DHX35: variants seen among roughly 807,000 people sequenced by gnomAD.
DHX35 encodes the protein DEAH-box helicase 35.
A neutral mutation model predicts 99.6 loss-of-function variants in DHX35; 84 were observed. The ratio of observed to expected loss-of-function variants is 0.84; its 90% CI spans 0.71 to 1.01. DHX35 has a LOEUF of 1.01. DHX35 is among the 50% of genes least tolerant of loss of function. The pLI is 0.00. For synonymous variants in DHX35, 331 were observed against 316.2 expected (o/e 1.05, Z -0.50); for missense variants, 852 against 888.5 (o/e 0.96, Z 0.52).
chr20:39,008,438 T>G (rs773483557), intron 12 of DHX35, among the ~76,000 whole-genome samples: 2 of 152,246 alleles, frequency 1.3e-5, no homozygotes, highest in Non-Finnish European at 2.9e-5. Context: ...CTCAAGTTAC[T>G]TTTAAAGAGG....
At chr20:38,991,064 C>G (rs1265238923) in intron 5 of DHX35, among the ~76,000 whole-genome samples, 1 of 152,178 alleles carries the variant, frequency 6.6e-6, no homozygotes, top group Non-Finnish European at 1.5e-5. Flanking sequence ...TCAAGAACTG[C>G]AATCTATAGT....
At chr20:38,989,123 A>T (rs1254992824) in intron 5 of DHX35, among the ~76,000 whole-genome samples, 4 of 140,192 alleles carry the variant, frequency 2.9e-5, no homozygotes. Flanking sequence ...TTTGAGACAG[A>T]GTCTCTCTCT....
intron 8 of DHX35, 52 bp from the exon 9 acceptor site, chr20:39,001,678 C>A: frequency 7.0e-7 from 1 of 1,438,088 alleles, no homozygotes; most frequent in Admixed American, 1.8e-5. Flanking sequence ...CCATGAATCG[C>A]TACGAACCTT....
At position 39,038,884 on chromosome 20, in the gene DHX35, A is replaced by C. The variant is rs2087200017; in HGVS notation, c.*341A>C. On this transcript the variant is annotated 3_prime_UTR_variant, in exon 22 of 22. Transcript: ENST00000252011. ...TGGGAAACAAGGAGGAAAGTTAGCC[A>C]CTGAAGGCCAAAACACCATGTGGGG... is the stretch of plus-strand genomic sequence containing the variant. The C allele has an allele frequency of 5.6e-6, 2 of 355,254 alleles. No homozygotes were observed. Among genetic ancestry groups the C allele is most frequent in the Admixed American group, 8.8e-5 (2 of 22,814 alleles). 22.0% of individuals were successfully genotyped at this position (355,254 alleles called of 1,614,324 possible).
At chr20:38,994,409 A>G (rs1244694530) in intron 7 of DHX35, among the ~76,000 whole-genome samples, 1 of 149,440 alleles carries the variant, frequency 6.7e-6, no homozygotes, top group Non-Finnish European at 1.5e-5. Context: ...TTTTTTTGCC[A>G]TATTTCTGTC....
chr20:39,003,141 T>C (rs2086550390), intron 10 of DHX35, among the ~76,000 whole-genome samples: 1 of 151,370 alleles, frequency 6.6e-6, no homozygotes, highest in South Asian at 2.1e-4. Context: ...TGAGGGCTAT[T>C]TTGTTTGCCA....
Position 39,025,319 on chromosome 20 carries a change from G to A in DHX35, c.1761G>A (p.Lys587=). The A allele has an allele frequency of 6.2e-7, 1 of 1,613,816 alleles. No individual in the cohort carries two copies. The highest frequency in any genetic ancestry group is 8.5e-7 in the Non-Finnish European group (1 of 1,179,850). ...RAATVREQLK[K]LLVKFQVPRK... ...CGACTGTAAGAGAACAATTGAAAAA[G>A]CTTCTTGTCAAGTTTCAAGTGCCCA... is the stretch of plus-strand genomic sequence containing the variant. Residue 587 remains lysine (K), a synonymous_variant, in exon 18 of 22, where the codon AAG becomes AAA. Coordinates refer to ENST00000252011, the MANE Select transcript of DHX35 (RefSeq NM_021931.4).
At chr20:38,966,666 A>G (rs906218755) in intron 1 of DHX35, among the ~76,000 whole-genome samples, 2 of 152,326 alleles carry the variant, frequency 1.3e-5, no homozygotes, top group East Asian at 3.9e-4. Context: ...CTCCATCTCC[A>G]AAAACAAAAG....
At chr20:38,984,702 A>G (rs2145861623) in intron 4 of DHX35, among the ~76,000 whole-genome samples, 1 of 152,336 alleles carries the variant, frequency 6.6e-6, no homozygotes, top group East Asian at 1.9e-4. Context: ...CATTTGTTGT[A>G]GATACAGTCC....
At chr20:38,973,658 A>G (rs1305674683) in intron 3 of DHX35, among the ~76,000 whole-genome samples, 1 of 152,232 alleles carries the variant, frequency 6.6e-6, no homozygotes, top group Non-Finnish European at 1.5e-5. Context: ...GTTCATTCTC[A>G]TTACTGCATA....
intron 3 of DHX35, among the ~76,000 whole-genome samples, chr20:38,981,065 T>C (rs1211040273): frequency 6.6e-6 from 1 of 152,246 alleles, no homozygotes; most frequent in Non-Finnish European, 1.5e-5. Context: ...GTATCCTTAG[T>C]GCATCATTTC....
intron 8 of DHX35, among the ~76,000 whole-genome samples, chr20:38,998,041 C>T (rs1446001939): frequency 2.0e-5 from 3 of 152,106 alleles, no homozygotes; most frequent in South Asian, 2.1e-4. Flanking sequence ...TGGCTGCAGC[C>T]GGGAGGCAGA....
intron 20 of DHX35, 31 bp from the exon 21 acceptor site, chr20:39,034,175 G>A (rs751842958): frequency 2.7e-5 from 41 of 1,532,408 alleles, no homozygotes; most frequent in Non-Finnish European, 3.7e-5. Flanking sequence ...ACAAGAGGGG[G>A]AAATTAGCTC....
At chr20:39,004,347 C>A (rs144220653) in intron 11 of DHX35, among the ~76,000 whole-genome samples, 2 of 152,172 alleles carry the variant, frequency 1.3e-5, no homozygotes, top group East Asian at 1.9e-4. Context: ...TTACAGGCGT[C>A]AGCCACCGTG....
At position 39,030,756 on chromosome 20, in the gene DHX35, G is replaced by T. The variant is rs748771313; in HGVS notation, c.1936G>T (p.Ala646Ser). ...LHIHPASVLY[A>S]EKPPRWVIYN... ...CATACACCCTGCGTCAGTCCTCTAT[G>T]CAGAGAAGCCGCCTCGCTGGTAAGC... The change falls in exon 20 of 22, where the codon GCA (alanine) becomes TCA (serine). Residue 646 changes from alanine (A) to serine (S), a missense_variant. Coordinates refer to ENST00000252011, the MANE Select transcript of DHX35 (RefSeq NM_021931.4). 6.2e-7 allele frequency: 1 copy of T among 1,614,144 alleles called. No homozygotes were observed. Among genetic ancestry groups the T allele is most frequent in the South Asian group, 1.1e-5 (1 of 91,082 alleles).
At chr20:39,024,040 A>G (rs990518326) in intron 17 of DHX35, among the ~76,000 whole-genome samples, 1 of 152,216 alleles carries the variant, frequency 6.6e-6, no homozygotes, top group African/African-American at 2.4e-5. Flanking sequence ...GCCCAGCCTC[A>G]CGTCATCTCA....
intron 21 of DHX35, among the ~76,000 whole-genome samples, chr20:39,036,223 G>C (rs953775322): frequency 1.3e-5 from 2 of 152,196 alleles, no homozygotes; most frequent in Non-Finnish European, 2.9e-5. Flanking sequence ...CCCAGAAGCT[G>C]AGTCATTTTC....
intron 16 of DHX35, 145 bp from the exon 17 acceptor site, chr20:39,023,545 G>A: frequency 1.6e-6 from 1 of 643,166 alleles, no homozygotes; most frequent in Non-Finnish European, 2.7e-6. Flanking sequence ...TAGACATGGG[G>A]TTTACCTATG....
chr20:38,989,058 A>G (rs2086293171), intron 5 of DHX35, 141 bp downstream of exon 5: 1 of 833,840 alleles, frequency 1.2e-6, no homozygotes, highest in Non-Finnish European at 1.7e-6. Flanking sequence ...ACATTCAGAG[A>G]CTTTAGTCAG....
Sources: gnomAD v4.1 joint callset for allele counts (sites outside exome capture counted in the v4.1 genomes callset) on GRCh38, gnomAD v4.1.1 for gene constraint, MANE v1.5 for transcripts, NCBI Gene and HGNC (gene_info 2026-07-23, HGNC 2026-07-21) for gene names.